Variants in GPX2 observed in about 807,000 individuals in gnomAD.
GPX2 encodes glutathione peroxidase 2.
In GPX2, 21 loss-of-function variants were observed where a neutral mutation model predicts 14.1. The observed-to-expected ratio is 1.48, with a 90% CI of 1.05 to 2.14. The LOEUF (loss-of-function observed/expected upper bound fraction) is 2.14. Ranked by LOEUF, GPX2 falls within the 30% of genes most tolerant of loss-of-function variation. GPX2 has a pLI of 0.00. For missense variants in GPX2, 241 were observed against 249.8 expected, an observed-to-expected ratio of 0.96 and a Z score of 0.24; for synonymous variants, 94 against 95.2, an observed-to-expected ratio of 0.99 and a Z score of 0.07.
Position 64,939,430 on chromosome 14 carries a change from T to C in GPX2, c.*58A>G. On this transcript the variant is annotated 3_prime_UTR_variant, in exon 2 of 2. Transcript: ENST00000389614. This position sits in a 1 kb window ranked among gnomAD's most constrained non-coding sequence, Gnocchi z 5.7. ...CAGTGTCTCCTGAAGGCATGCTGCA[T>C]CCTAAGGCTCCTCAGGACTGGATGG... 7.3e-7 allele frequency: 1 copy of C among 1,375,794 alleles called. No homozygotes were observed. Among genetic ancestry groups the C allele is most frequent in the South Asian group, 1.3e-5 (1 of 78,534 alleles). 85.2% of individuals were successfully genotyped at this position (1,375,794 alleles called of 1,614,324 possible). A position where few individuals can be genotyped will look rare whatever the true frequency, so the allele number is the denominator to read the frequency against.
At position 64,940,286 on chromosome 14, in the gene GPX2, T is replaced by A; in HGVS notation, c.223-448A>T. The A allele has an allele frequency of 1.4e-6, 1 of 734,314 alleles. No individual in the cohort carries two copies. Among genetic ancestry groups the A allele is most frequent in the Non-Finnish European group, 2.1e-6 (1 of 482,138 alleles). The allele number at this position is 734,314 out of a possible 1,614,324, so 45.5% of individuals were successfully genotyped here. On this transcript the variant is annotated intron_variant, in intron 1 of 1. Coordinates refer to ENST00000389614, the MANE Select transcript of GPX2 (RefSeq NM_002083.4). The surrounding 1 kb of genome is among the most constrained non-coding windows in gnomAD (Gnocchi z 4.5). The stretch of plus-strand genomic sequence containing the variant: ...TCTTCAACTAACCTACCGACCCACC[T>A]ACCCATAAATCCATACCTACACACA...
In GPX2 at chr14:64,939,993, T is replaced by C; in HGVS notation, c.223-155A>G. The stretch of plus-strand genomic sequence containing the variant: ...ACAAGACAGACGAGGTGTTGCTCAC[T>C]GCAGCCTTGAACTTCTGGGCTCAAG... On this transcript the variant is annotated intron_variant, in intron 1 of 1. Transcript: ENST00000389614. This position sits in a 1 kb window ranked among gnomAD's most constrained non-coding sequence, Gnocchi z 5.7. 6.8e-7 allele frequency: 1 copy of C among 1,472,822 alleles called. No homozygotes were observed. Among genetic ancestry groups the C allele is most frequent in the Non-Finnish European group, 8.9e-7 (1 of 1,121,692 alleles). 91.2% of individuals were successfully genotyped at this position (1,472,822 alleles called of 1,614,324 possible).
Position 64,940,154 on chromosome 14 carries a change from C to A in GPX2, c.223-316G>T, listed in dbSNP as rs1435571931. 2 of 1,350,638 alleles carry A rather than the reference C, an allele frequency of 1.5e-6. No homozygotes were observed. The highest frequency in any genetic ancestry group is 2.9e-5 in the African/African-American group (2 of 68,106). 83.7% of individuals were successfully genotyped at this position (1,350,638 alleles called of 1,614,324 possible). A position where few individuals can be genotyped will look rare whatever the true frequency, so the allele number is the denominator to read the frequency against. On this transcript the variant is annotated intron_variant, in intron 1 of 1. Transcript: ENST00000389614. This position sits in a 1 kb window ranked among gnomAD's most constrained non-coding sequence, Gnocchi z 4.5. ...GCTTTGGCTGCTCTTCAAGATTTAGCACTTCTGAGCTGTTGCTTTTGTCTC... is the reference window on the plus strand; with the variant it reads ...GCTTTGGCTGCTCTTCAAGATTTAGAACTTCTGAGCTGTTGCTTTTGTCTC...
Position 64,939,557 on chromosome 14 carries a change from G to A in GPX2, c.504C>T (p.Arg168=), listed in dbSNP as rs772505835. The change falls in exon 2 of 2, where the codon CGC becomes CGT. Residue 168 remains arginine, a synonymous_variant. Transcript: ENST00000389614. The surrounding 1 kb of genome is among the most constrained non-coding windows in gnomAD (Gnocchi z 5.7). ...TGATGGTTGGGAAGGTGCGGCTGTAGCGTCGGAAGGGCTCTCCCTCCGGCC... is the reference window on the plus strand; with the variant it reads ...TGATGGTTGGGAAGGTGCGGCTGTAACGTCGGAAGGGCTCTCCCTCCGGCC... ...LIGPEGEPFR[R]YSRTFPTINI... 1 of 1,614,168 alleles carries A rather than the reference G, an allele frequency of 6.2e-7. No individual in the cohort carries two copies. Among genetic ancestry groups the A allele is most frequent in the Non-Finnish European group, 8.5e-7 (1 of 1,180,020 alleles).
Position 64,939,965 on chromosome 14 carries a change from G to A in GPX2, c.223-127C>T, listed in dbSNP as rs993225867. ...ATTCTTTTTCACTGTGAAAGAGAGAGAGACAAGACAGACGAGGTGTTGCTC... is the reference window on the plus strand; with the variant it reads ...ATTCTTTTTCACTGTGAAAGAGAGAAAGACAAGACAGACGAGGTGTTGCTC... On this transcript the variant is annotated intron_variant, in intron 1 of 1. Coordinates refer to ENST00000389614, the MANE Select transcript of GPX2 (RefSeq NM_002083.4). This position sits in a 1 kb window ranked among gnomAD's most constrained non-coding sequence, Gnocchi z 5.7. 17 of 1,470,992 alleles carry A rather than the reference G, an allele frequency of 1.2e-5. No homozygotes were observed. The highest frequency in any genetic ancestry group is 2.8e-5 in the African/African-American group (2 of 70,734). 91.1% of individuals were successfully genotyped at this position (1,470,992 alleles called of 1,614,324 possible).
Position 64,939,694 on chromosome 14 carries a change from G to C in GPX2, c.367C>G (p.Leu123Val), listed in dbSNP as rs1421016629. Residue 123 changes from leucine to valine, a missense_variant, in exon 2 of 2, where the codon CTC becomes GTC. Transcript: ENST00000389614. The surrounding 1 kb of genome is among the most constrained non-coding windows in gnomAD (Gnocchi z 5.7). Reference protein sequence around the residue: ...HPVFAYLKDKLPYPYDDPFSL... With the variant: ...HPVFAYLKDKVPYPYDDPFSL... Reference sequence around the variant, plus strand: ...AATGGGTCATCATAAGGGTAGGGGAGCTTGTCCTTCAGGTAGGCGAAGACA... The same window carrying C: ...AATGGGTCATCATAAGGGTAGGGGACCTTGTCCTTCAGGTAGGCGAAGACA... 1 of 1,614,152 alleles carries C rather than the reference G, an allele frequency of 6.2e-7. No homozygotes were observed. Among genetic ancestry groups the C allele is most frequent in the African/African-American group, 1.3e-5 (1 of 75,030 alleles).
chr14:64,939,837 T>C lies in GPX2; in HGVS notation c.224A>G (p.Glu75Gly), dbSNP rs755405134. Residue 75 changes from glutamate (E) to glycine (G), a missense_variant and splice_region_variant, in exon 2 of 2, where the codon GAG becomes GGG. Coordinates refer to ENST00000389614, the MANE Select transcript of GPX2 (RefSeq NM_002083.4). The surrounding 1 kb of genome is among the most constrained non-coding windows in gnomAD (Gnocchi z 5.7). ...GFPCNQFGHQ[E>G]NCQNEEILNS... is the part of the protein sequence containing the mutation. ...CAGGATCTCCTCATTCTGACAGTTC[T>C]CCTAGGGGAGGAAAAAGACAAAGTG... 3.1e-6 allele frequency: 5 copies of C among 1,611,492 alleles called. No individual in the cohort carries two copies. In the African/African-American group the frequency reaches 6.7e-5, roughly 22 times the overall value.
In GPX2 at chr14:64,939,581, C is replaced by A. The variant is rs1354679645; in HGVS notation, c.480G>T (p.Gly160=). 1 of 1,614,024 alleles carries A rather than the reference C, an allele frequency of 6.2e-7. No individual in the cohort carries two copies. The highest frequency in any genetic ancestry group is 1.3e-5 in the African/African-American group (1 of 74,916). The change falls in exon 2 of 2, where the codon GGG becomes GGT. Residue 160 remains glycine (G), a synonymous_variant. Coordinates refer to ENST00000389614, the MANE Select transcript of GPX2 (RefSeq NM_002083.4). The surrounding 1 kb of genome is among the most constrained non-coding windows in gnomAD (Gnocchi z 5.7). ...AGCGTCGGAAGGGCTCTCCCTCCGGCCCTATGAGGAACTTCTCAAAGTTCC... is the reference window on the plus strand; with the variant it reads ...AGCGTCGGAAGGGCTCTCCCTCCGGACCTATGAGGAACTTCTCAAAGTTCC... The part of the protein sequence containing the change: ...VAWNFEKFLI[G]PEGEPFRRYS...
rs17880209 is a variant in GPX2, at chr14:64,940,857, A to G, written c.223-1019T>C. ...CCCTCCCCACTGCCATCCCTGTCCTATTCCCTCTCAGCATCACCATTCATG... is the reference window on the plus strand; with the variant it reads ...CCCTCCCCACTGCCATCCCTGTCCTGTTCCCTCTCAGCATCACCATTCATG... On this transcript the variant is annotated intron_variant, in intron 1 of 1. Transcript: ENST00000389614. The surrounding 1 kb of genome is among the most constrained non-coding windows in gnomAD (Gnocchi z 4.5). Among the ~76,000 whole-genome samples, 65 of 152,192 alleles carry G rather than the reference A, an allele frequency of 4.3e-4. 1 individual carries two copies. Among genetic ancestry groups the G allele is most frequent in the Admixed American group, 1.9e-3 (29 of 15,282 alleles).
intron 1 of GPX2, chr14:64,941,430 C>T (rs2139944798): frequency 3.1e-6 from 4 of 1,287,878 alleles, no homozygotes; most frequent in East Asian, 5.6e-5. Flanking sequence ...CTCCCTCCAG[C>T]AACTTGCTAG....
Position 64,940,610 on chromosome 14 carries a change from G to A in GPX2, c.223-772C>T, listed in dbSNP as rs931597091. Among the ~76,000 whole-genome samples, 10 of 152,342 alleles carry A rather than the reference G, an allele frequency of 6.6e-5. No homozygotes were observed. Among genetic ancestry groups the A allele is most frequent in the Admixed American group, 5.9e-4 (9 of 15,302 alleles). Reference sequence around the variant, plus strand: ...TGTGTACTCTAAATGGAACTACTTAGTAACCAACAGGCATGAAGTAAATAG... The same window carrying A: ...TGTGTACTCTAAATGGAACTACTTAATAACCAACAGGCATGAAGTAAATAG... On this transcript the variant is annotated intron_variant, in intron 1 of 1. Coordinates refer to ENST00000389614, the MANE Select transcript of GPX2 (RefSeq NM_002083.4). This position sits in a 1 kb window ranked among gnomAD's most constrained non-coding sequence, Gnocchi z 4.5.
chr14:64,940,314 C>CACA lies in GPX2; in HGVS notation c.223-477_223-476insTGT. On this transcript the variant is annotated intron_variant, in intron 1 of 1. Transcript: ENST00000389614. This position sits in a 1 kb window ranked among gnomAD's most constrained non-coding sequence, Gnocchi z 4.5. ...CCATAAATCCATACCTACACACACA[C>CACA]CCCTTTCCTTTCCTCTGCCCTGGTT... 1 of 554,108 alleles carries CACA rather than the reference C, an allele frequency of 1.8e-6. No homozygotes were observed. Among genetic ancestry groups the CACA allele is most frequent in the Non-Finnish European group, 3.2e-6 (1 of 317,306 alleles). The allele number at this position is 554,108 out of a possible 1,614,324, so 34.3% of individuals were successfully genotyped here.
intron 1 of GPX2, chr14:64,941,424 C>G: frequency 7.8e-7 from 1 of 1,287,778 alleles, no homozygotes; most frequent in Non-Finnish European, 1.0e-6. Context: ...TATAGACTCC[C>G]TCCAGCAACT....
rs955452550 is a variant in GPX2 at position 64,942,444 on chromosome 14, T to A, written c.222+61A>T. On this transcript the variant is annotated intron_variant, in intron 1 of 1. Coordinates refer to ENST00000389614, the MANE Select transcript of GPX2 (RefSeq NM_002083.4). ...AACATGGTCATTCAGCCTCTCCTTT[T>A]ATCCCACCTGAGCTACACCAACCCA... 11 of 1,347,182 alleles carry A rather than the reference T, an allele frequency of 8.2e-6. No homozygotes were observed. The East Asian group carries it at 9.2e-5, about 11-fold the overall frequency. The allele number at this position is 1,347,182 out of a possible 1,614,324, so 83.5% of individuals were successfully genotyped here.
chr14:64,939,952 T>C lies in GPX2; in HGVS notation c.223-114A>G, dbSNP rs967328875. ...CCTCCCCAGGGTCATTCTTTTTCAC[T>C]GTGAAAGAGAGAGAGACAAGACAGA... On this transcript the variant is annotated intron_variant, in intron 1 of 1. Transcript: ENST00000389614. The surrounding 1 kb of genome is among the most constrained non-coding windows in gnomAD (Gnocchi z 5.7). The C allele has an allele frequency of 4.8e-6, 7 of 1,447,902 alleles. No individual in the cohort carries two copies. In the African/African-American group the frequency reaches 1.1e-4, roughly 23 times the overall value. The allele number at this position is 1,447,902 out of a possible 1,614,324, so 89.7% of individuals were successfully genotyped here. A position where few individuals can be genotyped will look rare whatever the true frequency, so the allele number is the denominator to read the frequency against.
Position 64,939,578 on chromosome 14 carries a change from C to G in GPX2, c.483G>C (p.Pro161=). 6.2e-7 allele frequency: 1 copy of G among 1,614,142 alleles called. No homozygotes were observed. The highest frequency in any genetic ancestry group is 8.5e-7 in the Non-Finnish European group (1 of 1,180,020). Reference sequence around the variant, plus strand: ...TGTAGCGTCGGAAGGGCTCTCCCTCCGGCCCTATGAGGAACTTCTCAAAGT... The same window carrying G: ...TGTAGCGTCGGAAGGGCTCTCCCTCGGGCCCTATGAGGAACTTCTCAAAGT... ...AWNFEKFLIG[P]EGEPFRRYSR... is the part of the protein sequence containing the mutation. The change falls in exon 2 of 2, where the codon CCG becomes CCC. Residue 161 remains proline, a synonymous_variant. Coordinates refer to ENST00000389614, the MANE Select transcript of GPX2 (RefSeq NM_002083.4). The surrounding 1 kb of genome is among the most constrained non-coding windows in gnomAD (Gnocchi z 5.7).
In GPX2 at chr14:64,939,641, G is replaced by C; in HGVS notation, c.420C>G (p.Ile140Met). ...CTGAGCGGCGCACAGGGCTCCAAATGATGAGCTTGGGATCGGTCATGAGGG... is the reference window on the plus strand; with the variant it reads ...CTGAGCGGCGCACAGGGCTCCAAATCATGAGCTTGGGATCGGTCATGAGGG... The part of the protein sequence containing the change: ...PFSLMTDPKL[I>M]IWSPVRRSDV... The change falls in exon 2 of 2, where the codon ATC becomes ATG. Residue 140 changes from isoleucine to methionine, a missense_variant. Ile to Met is a conservative substitution (Grantham distance 10). Coordinates refer to ENST00000389614, the MANE Select transcript of GPX2 (RefSeq NM_002083.4). The surrounding 1 kb of genome is among the most constrained non-coding windows in gnomAD (Gnocchi z 5.7). The C allele has an allele frequency of 6.2e-7, 1 of 1,614,206 alleles. No individual in the cohort carries two copies. Among genetic ancestry groups the C allele is most frequent in the Non-Finnish European group, 8.5e-7 (1 of 1,180,034 alleles).
rs1885576874 is a variant in GPX2 at position 64,940,550 on chromosome 14, C to A, written c.223-712G>T. Among the ~76,000 whole-genome samples the A allele has an allele frequency of 6.6e-6, 1 of 152,108 alleles. No homozygotes were observed. The highest frequency in any genetic ancestry group is 2.1e-4 in the South Asian group (1 of 4,826). ...TCCAAGAACATCTAGTTTTCAGGTGCCATAACAGCAGAGCAAGTTCAAGGC... is the reference window on the plus strand; with the variant it reads ...TCCAAGAACATCTAGTTTTCAGGTGACATAACAGCAGAGCAAGTTCAAGGC... On this transcript the variant is annotated intron_variant, in intron 1 of 1. Transcript: ENST00000389614. The surrounding 1 kb of genome is among the most constrained non-coding windows in gnomAD (Gnocchi z 4.5).
In GPX2 at chr14:64,939,791, A is replaced by G. The variant is rs899998154; in HGVS notation, c.270T>C (p.Arg90=). The change falls in exon 2 of 2, where the codon CGT becomes CGC. Residue 90 remains arginine, a synonymous_variant. Coordinates refer to ENST00000389614, the MANE Select transcript of GPX2 (RefSeq NM_002083.4). This position sits in a 1 kb window ranked among gnomAD's most constrained non-coding sequence, Gnocchi z 5.7. Reference sequence around the variant, plus strand: ...AGGTGGGCTGGTATCCACCCCCAGGACGGACATACTTGAGACTGTTCAGGA... The same window carrying G: ...AGGTGGGCTGGTATCCACCCCCAGGGCGGACATACTTGAGACTGTTCAGGA... ...EEILNSLKYV[R]PGGGYQPTFT... The G allele has an allele frequency of 6.2e-6, 10 of 1,614,112 alleles. No homozygotes were observed. Among genetic ancestry groups the G allele is most frequent in the Non-Finnish European group, 8.5e-6 (10 of 1,180,024 alleles).
Sources: allele counts gnomAD v4.1 joint callset (sites outside exome capture counted in the v4.1 genomes callset), GRCh38; gene constraint gnomAD v4.1.1; non-coding constraint Gnocchi (gnomAD v3.1); transcripts MANE v1.5; gene names NCBI Gene and HGNC (gene_info 2026-07-23, HGNC 2026-07-21).